CLVS1: variants seen among roughly 807,000 people sequenced by gnomAD.
The protein encoded by CLVS1 is clavesin-1.
A neutral mutation model predicts 33.1 loss-of-function variants in CLVS1; 10 were observed. The ratio of observed to expected loss-of-function variants is 0.30; its 90% CI spans 0.19 to 0.51. The LOEUF (loss-of-function observed/expected upper bound fraction) is 0.51, where lower values mean the gene tolerates loss of function less well. Among genes scored for constraint, CLVS1 ranks in the 20% least tolerant of loss-of-function variants. The probability of loss-of-function intolerance (pLI) is 0.97; values close to 1 mark genes in which losing one functional copy is unlikely to be tolerated. For missense variants in CLVS1, 343 were observed against 433.4 expected (o/e 0.79, Z 1.85); for synonymous variants, 163 against 166.1 (o/e 0.98, Z 0.14).
chr8:61,377,007 CCT>C (rs1426490084), intron 3 of CLVS1: 3 of 455,958 alleles, frequency 6.6e-6, no homozygotes, highest in Non-Finnish European at 3.9e-6. Context: ...CACAAATTAT[CCT>C]CTGTAGCAAT....
At chr8:61,013,603 A>C in the CLVS1 span, among the ~76,000 whole-genome samples, 1 of 152,192 alleles carries the variant, frequency 6.6e-6, no homozygotes, top group African/African-American at 2.4e-5. Context: ...AAGATCATAC[A>C]TTGATAGCTT....
At chr8:61,401,544 A>G (rs1015359022) in intron 3 of CLVS1, among the ~76,000 whole-genome samples, 2 of 152,200 alleles carry the variant, frequency 1.3e-5, no homozygotes, top group Admixed American at 6.5e-5. Context: ...ACCACTGCTC[A>G]AAGAAATCAG....
intron 2 of CLVS1, among the ~76,000 whole-genome samples, chr8:61,280,919 C>T (rs962447132): frequency 5.3e-5 from 8 of 152,290 alleles, no homozygotes; most frequent in South Asian, 2.1e-4. Flanking sequence ...TGAGCCACCA[C>T]GCTTGGAGAT....
chr8:61,033,193 G>A, the CLVS1 span, among the ~76,000 whole-genome samples: 9 of 146,768 alleles, frequency 6.1e-5, no homozygotes, highest in African/African-American at 1.0e-4. Flanking sequence ...GCCAAGTGTG[G>A]TGGTGCACAT....
intron 2 of CLVS1, among the ~76,000 whole-genome samples, chr8:61,156,329 A>G (rs570712868): frequency 3.3e-5 from 5 of 150,368 alleles, no homozygotes; most frequent in Non-Finnish European, 7.4e-5. Flanking sequence ...TAACCTCAGG[A>G]TAATATAAAA....
intron 2 of CLVS1, among the ~76,000 whole-genome samples, chr8:61,310,703 A>T (rs1005671160): frequency 6.6e-6 from 1 of 152,258 alleles, no homozygotes; most frequent in African/African-American, 2.4e-5. Context: ...CAATAGGAAC[A>T]GTGATGACAA....
intron 1 of CLVS1, among the ~76,000 whole-genome samples, chr8:61,057,670 G>A (rs1428856072): frequency 6.6e-6 from 1 of 152,104 alleles, no homozygotes; most frequent in Non-Finnish European, 1.5e-5. Flanking sequence ...CTGCACAACT[G>A]TGCAGCAACC....
rs79190838 is a variant in CLVS1, at chr8:61,415,827, C to T, written c.631-38314C>T. Among the ~76,000 whole-genome samples the T allele has an allele frequency of 9.6e-3, 1,456 of 152,258 alleles. 23 individuals carry two copies. Among genetic ancestry groups the T allele is most frequent in the African/African-American group, 0.03 (1,257 of 41,532 alleles). On this transcript the variant is annotated intron_variant, in intron 3 of 5. Transcript: ENST00000325897. ...GATCCCAAATGGTGCACAAGATGAT[C>T]CACTGACGGATAGGAAGAAAAATTT...
chr8:61,052,811 T>C (rs568575934), upstream of CLVS1, among the ~76,000 whole-genome samples: 1 of 152,286 alleles, frequency 6.6e-6, no homozygotes, highest in East Asian at 1.9e-4. Flanking sequence ...AGTCATTCTC[T>C]GGCCATGCTG....
intron 2 of CLVS1, among the ~76,000 whole-genome samples, chr8:61,320,598 G>C (rs781235952): frequency 8.5e-5 from 13 of 152,154 alleles, no homozygotes; most frequent in Non-Finnish European, 1.5e-4. Context: ...CTGGAGGCTG[G>C]GAAGTCCAAG....
chr8:61,366,412 T>A (rs1245342550), intron 2 of CLVS1, among the ~76,000 whole-genome samples: 3 of 152,232 alleles, frequency 2.0e-5, no homozygotes, highest in South Asian at 4.1e-4. Flanking sequence ...AATGCAGGCA[T>A]GGCCCTCTCC....
intron 3 of CLVS1, among the ~76,000 whole-genome samples, chr8:61,382,800 G>A (rs1047848708): frequency 4.6e-5 from 7 of 152,172 alleles, no homozygotes; most frequent in African/African-American, 1.4e-4. Context: ...TGGTGTGGGT[G>A]AGAGTAGAGC....
chr8:61,470,950 G>T (rs1426425657), intron 5 of CLVS1, among the ~76,000 whole-genome samples: 1 of 152,184 alleles, frequency 6.6e-6, no homozygotes, highest in African/African-American at 2.4e-5. Context: ...GGTTCCTGTT[G>T]TCATGGTGAT....
chr8:61,395,552 A>G (rs1814492172), intron 3 of CLVS1, among the ~76,000 whole-genome samples: 1 of 152,250 alleles, frequency 6.6e-6, no homozygotes, highest in Non-Finnish European at 1.5e-5. Context: ...ACATAGATCA[A>G]AAATAACATA....
the CLVS1 span, among the ~76,000 whole-genome samples, chr8:61,034,698 A>G: frequency 6.6e-6 from 1 of 152,338 alleles, no homozygotes; most frequent in Middle Eastern, 3.4e-3. Flanking sequence ...AAAGCCAGGA[A>G]CAACTTTGAG....
intron 1 of CLVS1, among the ~76,000 whole-genome samples, chr8:61,062,102 CA>C (rs1053822212): frequency 2.0e-5 from 3 of 152,104 alleles, no homozygotes; most frequent in African/African-American, 7.2e-5. Flanking sequence ...CATCACTGGA[CA>C]GGGAAATGAG....
At chr8:61,177,073 G>GA (rs2129299646) in intron 2 of CLVS1, among the ~76,000 whole-genome samples, 2 of 151,972 alleles carry the variant, frequency 1.3e-5, no homozygotes, top group Non-Finnish European at 2.9e-5. Context: ...CCGGAGTGGC[G>GA]AGGGGGCGGG....
chr8:61,449,622 T>G (rs1324930363), intron 3 of CLVS1, among the ~76,000 whole-genome samples: 1 of 152,246 alleles, frequency 6.6e-6, no homozygotes, highest in Non-Finnish European at 1.5e-5. Context: ...CTAGACTGCC[T>G]GTTACTAGTC....
chr8:61,346,482 G>A lies in CLVS1; in HGVS notation c.456-30123G>A, dbSNP rs1014925720. Among the ~76,000 whole-genome samples, 11 of 152,088 alleles carry A rather than the reference G, an allele frequency of 7.2e-5. No homozygotes were observed. In the South Asian group the frequency reaches 8.3e-4, roughly 12 times the overall value. On this transcript the variant is annotated intron_variant, in intron 2 of 5. Transcript: ENST00000325897. ...CCTTAAAGCCTTATAGATATGTTGC[G>A]CTCGCTACAATATAATAATAAAGAT...
Sources: allele counts gnomAD v4.1 joint callset (sites outside exome capture counted in the v4.1 genomes callset), GRCh38; gene constraint gnomAD v4.1.1; transcripts MANE v1.5; gene names NCBI Gene and HGNC (gene_info 2026-07-23, HGNC 2026-07-21).